Variants in ANO3 observed in about 807,000 individuals in gnomAD.
ANO3 encodes anoctamin 3, also known as anoctamin-3.
ANO3 carries 99 observed loss-of-function variants against 144.8 expected under a neutral mutation model. The observed-to-expected ratio is 0.68, with a 90% confidence interval of 0.58 to 0.81. The LOEUF is 0.81. ANO3 is among the 30% of genes least tolerant of loss of function. The pLI is 0.00. For synonymous variants in ANO3, 414 were observed against 392.6 expected (o/e 1.05, Z -0.64); for missense variants, 905 against 1,202.2 (o/e 0.75, Z 3.66).
intron 1 of ANO3, among the ~76,000 whole-genome samples, chr11:26,395,416 A>G (rs1436623953): frequency 6.6e-6 from 1 of 152,116 alleles, no homozygotes; most frequent in East Asian, 1.9e-4. Flanking sequence ...TGAGCAAAGC[A>G]TGTTTTTCCA....
At chr11:26,427,267 C>CA (rs1413334803) in intron 1 of ANO3, 1 of 161,060 alleles carries the variant, frequency 6.2e-6, no homozygotes, top group African/African-American at 2.4e-5. Context: ...ACACCCCATC[C>CA]ACCTGTATTT....
chr11:26,591,139 G>T (rs1328368631), intron 14 of ANO3, among the ~76,000 whole-genome samples: 1 of 152,116 alleles, frequency 6.6e-6, no homozygotes, highest in East Asian at 1.9e-4. Flanking sequence ...GGTAGGTGCG[G>T]TCCCCTTCCC....
intron 3 of ANO3, among the ~76,000 whole-genome samples, chr11:26,455,384 T>A (rs1859112784): frequency 6.6e-6 from 1 of 151,514 alleles, no homozygotes; most frequent in South Asian, 2.1e-4. Flanking sequence ...AGTCTCAGGA[T>A]ACAAAATCAA....
intron 4 of ANO3, among the ~76,000 whole-genome samples, chr11:26,496,217 C>T (rs1237539371): frequency 2.0e-5 from 3 of 152,156 alleles, no homozygotes; most frequent in Non-Finnish European, 2.9e-5. Flanking sequence ...TCTTTTCAGG[C>T]ACCTGCCTAC....
At chr11:26,600,250 T>C (rs1851753164) in intron 17 of ANO3, among the ~76,000 whole-genome samples, 1 of 112,970 alleles carries the variant, frequency 8.9e-6, no homozygotes, top group Non-Finnish European at 2.0e-5. Context: ...TTTCCTCTCC[T>C]CTCCTCTCCT....
intron 1 of ANO3, among the ~76,000 whole-genome samples, chr11:26,190,486 TA>T (rs1851453520): frequency 6.6e-6 from 1 of 152,142 alleles, no homozygotes; most frequent in Non-Finnish European, 1.5e-5. Context: ...TTCATAGAAG[TA>T]GGGAAATTAA....
intron 4 of ANO3, among the ~76,000 whole-genome samples, chr11:26,463,871 G>A (rs1040348002): frequency 1.8e-4 from 27 of 150,876 alleles, no homozygotes; most frequent in African/African-American, 6.5e-4. Flanking sequence ...TGATTTTCAC[G>A]ACAAATCCTA....
chr11:26,568,272 C>A (rs901659027), intron 14 of ANO3, among the ~76,000 whole-genome samples: 2 of 152,032 alleles, frequency 1.3e-5, no homozygotes, highest in Non-Finnish European at 2.9e-5. Context: ...ATTAATCCCA[C>A]TTTACAGATG....
intron 14 of ANO3, chr11:26,561,286 C>A: frequency 7.8e-7 from 1 of 1,275,388 alleles, no homozygotes; most frequent in Non-Finnish European, 1.1e-6. Flanking sequence ...CATGTTCAGG[C>A]ATCCACCAAG....
At chr11:26,396,354 C>T (rs1188297310) in intron 1 of ANO3, among the ~76,000 whole-genome samples, 1 of 151,952 alleles carries the variant, frequency 6.6e-6, no homozygotes, top group East Asian at 1.9e-4. Flanking sequence ...GTGTAAATTA[C>T]TTCAACCATT....
intron 1 of ANO3, among the ~76,000 whole-genome samples, chr11:26,209,186 C>A (rs1195742509): frequency 6.6e-6 from 1 of 152,184 alleles, no homozygotes; most frequent in African/African-American, 2.4e-5. Context: ...TAATATTCCT[C>A]TCCCTGTGTC....
intron 12 of ANO3, among the ~76,000 whole-genome samples, chr11:26,548,770 G>A (rs1590506001): frequency 1.3e-5 from 2 of 151,808 alleles, no homozygotes; most frequent in Admixed American, 1.3e-4. Flanking sequence ...ATTTCATCTA[G>A]TCTTGGGTTT....
At chr11:26,310,714 A>G (rs1403049834) in intron 1 of ANO3, among the ~76,000 whole-genome samples, 3 of 152,188 alleles carry the variant, frequency 2.0e-5, no homozygotes, top group African/African-American at 4.8e-5. Context: ...TCCCCACAGC[A>G]GTACTATTTT....
intron 3 of ANO3, among the ~76,000 whole-genome samples, chr11:26,453,216 T>G (rs1352818238): frequency 6.6e-6 from 1 of 152,002 alleles, no homozygotes; most frequent in Non-Finnish European, 1.5e-5. Context: ...CAGGATCAAA[T>G]TCACACATAA....
intron 1 of ANO3, chr11:26,427,529 T>C (rs1271717140): frequency 6.6e-6 from 1 of 152,010 alleles, no homozygotes; most frequent in Non-Finnish European, 1.5e-5. Context: ...CAATGGGAAA[T>C]AGTGATCAGT....
chr11:26,416,480 G>A (rs1335358631), intron 1 of ANO3, among the ~76,000 whole-genome samples: 2 of 151,190 alleles, frequency 1.3e-5, no homozygotes, highest in African/African-American at 4.9e-5. Flanking sequence ...AGACTGGAGT[G>A]CAGTGGCAAG....
chr11:26,328,832 T>C (rs1045510484), upstream of ANO3, among the ~76,000 whole-genome samples: 1 of 152,120 alleles, frequency 6.6e-6, no homozygotes, highest in East Asian at 1.9e-4. Flanking sequence ...TCAACACATA[T>C]CATTGATAAA....
chr11:26,505,695 G>A (rs1169915127), intron 4 of ANO3, among the ~76,000 whole-genome samples: 1 of 152,028 alleles, frequency 6.6e-6, no homozygotes, highest in Admixed American at 6.5e-5. Context: ...CAAATTGGCC[G>A]GGCGCAGTGG....
chr11:26,482,838 C>A (rs1462024580), intron 4 of ANO3, among the ~76,000 whole-genome samples: 1 of 152,082 alleles, frequency 6.6e-6, no homozygotes, highest in Non-Finnish European at 1.5e-5. Context: ...CTTATGTGAA[C>A]AGGAGATATT....
Sources: allele counts gnomAD v4.1 joint callset (sites outside exome capture counted in the v4.1 genomes callset), GRCh38; gene constraint gnomAD v4.1.1; transcripts MANE v1.5; gene names NCBI Gene and HGNC (gene_info 2026-07-23, HGNC 2026-07-21).